Variants in SRPRA observed in about 807,000 individuals in gnomAD.
SRPRA encodes the protein signal recognition particle receptor subunit alpha.
A neutral mutation model predicts 61.1 loss-of-function variants in SRPRA; 30 were observed. The ratio of observed to expected loss-of-function variants is 0.49; its 90% confidence interval spans 0.37 to 0.67. The LOEUF (loss-of-function observed/expected upper bound fraction) is 0.67, where lower values mean the gene tolerates loss of function less well. Ranked by LOEUF, SRPRA falls within the 30% of genes least tolerant of loss-of-function variation. SRPRA has a pLI of 0.00. For synonymous variants in SRPRA, 324 were observed against 299.7 expected, an observed-to-expected ratio of 1.08 and a Z score of -0.84; for missense variants, 759 against 828.4, an observed-to-expected ratio of 0.92 and a Z score of 1.03.
At chr11:126,262,141 A>G, downstream of SRPRA, 1 of 1,613,916 alleles carries the variant, frequency 6.2e-7, no homozygotes, top group South Asian at 1.1e-5. Context: ...TGAGCGAGCT[A>G]GAGAAATCAC....
chr11:126,264,223 C>T lies in SRPRA; in HGVS notation c.1756G>A (p.Val586Ile). The T allele has an allele frequency of 6.2e-7, 1 of 1,614,120 alleles. No homozygotes were observed. The highest frequency in any genetic ancestry group is 1.1e-5 in the South Asian group (1 of 91,076). The change falls in exon 13 of 14, where the codon GTT (valine) becomes ATT (isoleucine). Residue 586 changes from valine to isoleucine, a missense_variant. Around this residue, in one of 2 missense-constraint regions of SRPRA, gnomAD observed 284 missense variants for 365.9 expected, o/e 0.78. Transcript: ENST00000332118. This position sits in a 1 kb window ranked among gnomAD's most constrained non-coding sequence, Gnocchi z 5.0. ...AQTPRLIDGI[V>I]LTKFDTIDDK... ...TCAATGGTATCAAATTTGGTAAGAA[C>T]AATGCCATCAATGAGCCGAGGTGTC...
chr11:126,238,431 T>A, the SRPRA span, among the ~76,000 whole-genome samples: 1 of 152,084 alleles, frequency 6.6e-6, no homozygotes, highest in Non-Finnish European at 1.5e-5. Context: ...ATCTGCAGGT[T>A]TTTCATCTCA....
the SRPRA span, among the ~76,000 whole-genome samples, chr11:126,242,278 T>G: frequency 6.6e-6 from 1 of 152,078 alleles, no homozygotes; most frequent in African/African-American, 2.4e-5. Context: ...TTAAAAACTG[T>G]TAGGCTGAAA....
At chr11:126,249,473 C>CT in the SRPRA span, among the ~76,000 whole-genome samples, 88 of 142,758 alleles carry the variant, frequency 6.2e-4, 1 homozygote, top group Admixed American at 1.1e-3. Flanking sequence ...TAGCTCACAC[C>CT]TGTAATCCCA....
At chr11:126,236,727 T>A in the SRPRA span, among the ~76,000 whole-genome samples, 460 of 152,146 alleles carry the variant, frequency 3.0e-3, 2 homozygotes, top group African/African-American at 0.011. Flanking sequence ...GGACTTCTTG[T>A]ATTAAGTCTC....
At chr11:126,239,983 T>A in the SRPRA span, among the ~76,000 whole-genome samples, 1 of 152,074 alleles carries the variant, frequency 6.6e-6, no homozygotes, top group Non-Finnish European at 1.5e-5. Context: ...GACAAAAAGG[T>A]TGGGGAGAAG....
chr11:126,257,734 T>A, the SRPRA span, among the ~76,000 whole-genome samples: 1 of 152,146 alleles, frequency 6.6e-6, no homozygotes, highest in African/African-American at 2.4e-5. Context: ...GATGATTATG[T>A]ATTATATTTA....
At chr11:126,240,773 A>C in the SRPRA span, 7 of 1,591,030 alleles carry the variant, frequency 4.4e-6, no homozygotes, top group Non-Finnish European at 6.0e-6. Flanking sequence ...CAATCCTCTC[A>C]TTTGTTTTGC....
intron 1 of SRPRA, 37 bp downstream of exon 1, chr11:126,268,651 A>G (rs977820603): frequency 6.4e-7 from 1 of 1,568,954 alleles, no homozygotes; most frequent in Admixed American, 1.7e-5. Context: ...GGGTCAGGAA[A>G]GAAGAGCCTG....
the SRPRA span, among the ~76,000 whole-genome samples, chr11:126,236,030 G>A: frequency 2.0e-5 from 3 of 152,154 alleles, no homozygotes; most frequent in Non-Finnish European, 4.4e-5. Flanking sequence ...GAAACACACC[G>A]ATAACTTGCT....
chr11:126,252,122 G>A, the SRPRA span, among the ~76,000 whole-genome samples: 1 of 152,084 alleles, frequency 6.6e-6, no homozygotes, highest in South Asian at 2.1e-4. The surrounding 1 kb of genome is among the most constrained non-coding windows in gnomAD (Gnocchi z 4.7). Flanking sequence ...GAATAGCTGG[G>A]ATTACAGGCA....
downstream of SRPRA, chr11:126,260,704 GGGTAATATCAA>G (rs1950672244): frequency 6.6e-6 from 1 of 152,142 alleles, no homozygotes; most frequent in African/African-American, 2.4e-5. Context: ...TTTTCTACGA[GGGTAATATCAA>G]TTTGTATATT....
At position 126,264,590 on chromosome 11, in the gene SRPRA, C is replaced by T. The variant is rs1194764942; in HGVS notation, c.1526-51G>A. 1.1e-5 allele frequency: 17 copies of T among 1,592,380 alleles called. No individual in the cohort carries two copies. The highest frequency in any genetic ancestry group is 2.3e-4 in the Middle Eastern group (1 of 4,382). Reference sequence around the variant, plus strand: ...GAACACCTGGACTACCACTCATGCTCGTTCCCAGCTTCCTCTCAAAAAGTC... The same window carrying T: ...GAACACCTGGACTACCACTCATGCTTGTTCCCAGCTTCCTCTCAAAAAGTC... On this transcript the variant is annotated intron_variant, in intron 11 of 13. Coordinates refer to ENST00000332118, the MANE Select transcript of SRPRA (RefSeq NM_003139.4). The surrounding 1 kb of genome is among the most constrained non-coding windows in gnomAD (Gnocchi z 5.0).
rs551769181 is a variant in SRPRA, at chr11:126,266,289, C to T, written c.841-11G>A. The T allele has an allele frequency of 6.9e-5, 111 of 1,613,560 alleles. 1 individual carries two copies. The South Asian group carries it at 8.1e-4, about 12-fold the overall frequency. On this transcript the variant is annotated splice_polypyrimidine_tract_variant and intron_variant, in intron 6 of 13. Coordinates refer to ENST00000332118, the MANE Select transcript of SRPRA (RefSeq NM_003139.4). Reference sequence around the variant, plus strand: ...CCCAGTCCCTCGAATCTGGAAGATACGGGGAAAGGATGTGGGGTCAGGAAC... The same window carrying T: ...CCCAGTCCCTCGAATCTGGAAGATATGGGGAAAGGATGTGGGGTCAGGAAC...
chr11:126,258,778 C>G (rs977554801), downstream of SRPRA, among the ~76,000 whole-genome samples: 8 of 152,304 alleles, frequency 5.3e-5, no homozygotes, highest in African/African-American at 1.4e-4. Flanking sequence ...AGGAAAGATG[C>G]TAAAGTTTAA....
chr11:126,251,575 T>TA, the SRPRA span, among the ~76,000 whole-genome samples: 1 of 152,216 alleles, frequency 6.6e-6, no homozygotes, highest in African/African-American at 2.4e-5. Context: ...TACGCCCTCA[T>TA]ATTCTGTATG....
chr11:126,267,285 A>G lies in SRPRA; in HGVS notation c.416T>C (p.Phe139Ser), dbSNP rs745347128. The G allele has an allele frequency of 6.2e-7, 1 of 1,614,080 alleles. No individual in the cohort carries two copies. The part of the protein sequence containing the change: ...KIRAPTTMKK[F>S]EDSEKAKKPV... Reference sequence around the variant, plus strand: ...TTTCTTGGCCTTTTCAGAATCTTCAAATTTCTTCATGGTAGTGGGAGCACG... The same window carrying G: ...TTTCTTGGCCTTTTCAGAATCTTCAGATTTCTTCATGGTAGTGGGAGCACG... The change falls in exon 4 of 14, where the codon TTT becomes TCT. Residue 139 changes from phenylalanine (F) to serine (S), a missense_variant. Phe to Ser is a radical substitution (Grantham distance 155). Coordinates refer to ENST00000332118, the MANE Select transcript of SRPRA (RefSeq NM_003139.4). The surrounding 1 kb of genome is among the most constrained non-coding windows in gnomAD (Gnocchi z 4.2).
the SRPRA span, chr11:126,250,776 T>C: frequency 6.9e-7 from 1 of 1,446,070 alleles, no homozygotes; most frequent in South Asian, 1.2e-5. This position sits in a 1 kb window ranked among gnomAD's most constrained non-coding sequence, Gnocchi z 5.1. Flanking sequence ...CTAGTGGATT[T>C]TATCTTCCTC....
chr11:126,262,839 T>C (rs1950729810), downstream of SRPRA: 1 of 152,650 alleles, frequency 6.6e-6, no homozygotes, highest in Non-Finnish European at 1.5e-5. Flanking sequence ...TTCTGCTCTG[T>C]TGTCCTGACC....
Sources: allele counts gnomAD v4.1 joint callset (sites outside exome capture counted in the v4.1 genomes callset), GRCh38; gene constraint gnomAD v4.1.1; regional missense constraint gnomAD v4.1.1; non-coding constraint Gnocchi (gnomAD v3.1); transcripts MANE v1.5; gene names NCBI Gene and HGNC (gene_info 2026-07-23, HGNC 2026-07-21).